Variants in CUBN observed in about 807,000 individuals in gnomAD.
CUBN encodes the protein cubilin.
A neutral mutation model predicts 405.3 loss-of-function variants in CUBN; 282 were observed. That is an observed-to-expected ratio of 0.70 (90% CI 0.63 to 0.77). The LOEUF (loss-of-function observed/expected upper bound fraction) is 0.77, where lower values mean the gene tolerates loss of function less well. CUBN is among the 30% of genes least tolerant of loss of function. The pLI is 0.00. For synonymous variants in CUBN, 1,684 were observed against 1,617.0 expected, an observed-to-expected ratio of 1.04 and a Z score of -0.99; for missense variants, 4,514 against 4,475.2, an observed-to-expected ratio of 1.01 and a Z score of -0.25.
chr10:16,981,473 C>A (rs953974523), intron 31 of CUBN, among the ~76,000 whole-genome samples: 1 of 152,124 alleles, frequency 6.6e-6, no homozygotes, highest in Admixed American at 6.5e-5. Context: ...AAGGCTGTCA[C>A]CCTGACCCTC....
At chr10:16,942,369 C>T (rs1842675111) in intron 36 of CUBN, among the ~76,000 whole-genome samples, 2 of 152,054 alleles carry the variant, frequency 1.3e-5, no homozygotes, top group South Asian at 4.1e-4. Flanking sequence ...TATAAAATAA[C>T]TCCTGCAACT....
chr10:16,873,099 A>AGGGGAGGT (rs1199346524), intron 58 of CUBN, among the ~76,000 whole-genome samples: 2 of 152,004 alleles, frequency 1.3e-5, no homozygotes, highest in African/African-American at 2.4e-5. Context: ...AGACAAATAG[A>AGGGGAGGT]GGGGAGGTAG....
chr10:17,048,908 A>C (rs894008891), intron 22 of CUBN, among the ~76,000 whole-genome samples: 2 of 152,232 alleles, frequency 1.3e-5, no homozygotes, highest in African/African-American at 4.8e-5. Context: ...AGGTTCTACT[A>C]TCTGTGTGTA....
intron 48 of CUBN, among the ~76,000 whole-genome samples, chr10:16,910,599 G>C (rs751012538): frequency 1.1e-4 from 16 of 152,134 alleles, no homozygotes; most frequent in Non-Finnish European, 1.9e-4. Context: ...CATCCTTTCA[G>C]TAATTCATTC....
chr10:16,892,726 T>G (rs939630821), intron 54 of CUBN, among the ~76,000 whole-genome samples: 1 of 152,090 alleles, frequency 6.6e-6, no homozygotes, highest in African/African-American at 2.4e-5. Context: ...ACTCCTGGAC[T>G]CAACTGATCT....
chr10:16,856,552 A>G (rs1839874030), intron 59 of CUBN, among the ~76,000 whole-genome samples: 1 of 152,210 alleles, frequency 6.6e-6, no homozygotes, highest in Non-Finnish European at 1.5e-5. Flanking sequence ...TCAATCTGAT[A>G]AGGGAAAAAA....
At chr10:16,853,497 T>C (rs1451804140) in intron 59 of CUBN, among the ~76,000 whole-genome samples, 1 of 152,230 alleles carries the variant, frequency 6.6e-6, no homozygotes, top group African/African-American at 2.4e-5. Context: ...AATGGATAGA[T>C]AGCAAACGTG....
intron 51 of CUBN, among the ~76,000 whole-genome samples, chr10:16,902,259 GTA>G (rs535557386): frequency 2.2e-4 from 29 of 129,230 alleles, no homozygotes; most frequent in Admixed American, 7.6e-4. Context: ...TGTATATATA[GTA>G]TATATATATT....
Position 16,997,556 on chromosome 10 carries a change from G to A in CUBN, c.4169-7041C>T, listed in dbSNP as rs186672717. Among the ~76,000 whole-genome samples the A allele has an allele frequency of 1.9e-3, 287 of 152,286 alleles. 1 individual carries two copies. Among genetic ancestry groups the A allele is most frequent in the Non-Finnish European group, 3.2e-3 (220 of 68,022 alleles). ...GGTAACTAAGAGCTCAGAATCTGGG[G>A]AAGGCCCAACCCAAGGCAAAGTGAA... On this transcript the variant is annotated intron_variant, in intron 28 of 66. Coordinates refer to ENST00000377833, the MANE Select transcript of CUBN (RefSeq NM_001081.4).
rs1015394615 is a variant in CUBN, at chr10:16,937,514, C to T, written c.5926+78G>A. On this transcript the variant is annotated intron_variant, in intron 39 of 66. Coordinates refer to ENST00000377833, the MANE Select transcript of CUBN (RefSeq NM_001081.4). The stretch of plus-strand genomic sequence containing the variant: ...CTGTACTTATTTTTATATCTGACCC[C>T]TGTTATGATAGGATCCTTTGAAACA... The T allele has an allele frequency of 2.2e-5, 27 of 1,235,836 alleles. No homozygotes were observed. The African/African-American group carries it at 2.2e-4, about 10-fold the overall frequency. 76.6% of individuals were successfully genotyped at this position (1,235,836 alleles called of 1,614,324 possible).
chr10:17,118,027 A>T (rs1036064525), intron 6 of CUBN, among the ~76,000 whole-genome samples: 1 of 152,202 alleles, frequency 6.6e-6, no homozygotes, highest in African/African-American at 2.4e-5. Flanking sequence ...ATAAGATTTG[A>T]GAGGAGATTC....
In CUBN at chr10:16,851,248, T is replaced by G. The variant is rs1482195967; in HGVS notation, c.9650A>C (p.Tyr3217Ser). 6.2e-7 allele frequency: 1 copy of G among 1,613,354 alleles called. No homozygotes were observed. The highest frequency in any genetic ancestry group is 1.7e-5 in the Admixed American group (1 of 60,030). Residue 3217 changes from tyrosine (Y) to serine (S), a missense_variant, in exon 60 of 67, where the codon TAT (tyrosine) becomes TCT (serine). By Grantham distance (144) the Tyr-to-Ser change is moderately radical. Around this residue, in one of 5 missense-constraint regions of CUBN, gnomAD observed 1,186 missense variants for 1,186.9 expected, o/e 1.00. Transcript: ENST00000377833. The part of the protein sequence containing the change: ...EAASTRQRCL[Y>S]DYVKLYDGDS... ...AAACAGCCTTACCTTTACATAATCA[T>G]AAAGGCATCTTTGCCTAGTACTTGC...
At chr10:16,911,446 T>C (rs1241615117) in intron 48 of CUBN, among the ~76,000 whole-genome samples, 8 of 152,230 alleles carry the variant, frequency 5.3e-5, no homozygotes, top group Admixed American at 4.6e-4. Flanking sequence ...TGTGGATAGA[T>C]AATGTCCAAA....
intron 48 of CUBN, among the ~76,000 whole-genome samples, chr10:16,911,413 A>G (rs1841730063): frequency 1.3e-5 from 2 of 152,216 alleles, no homozygotes; most frequent in Non-Finnish European, 2.9e-5. Flanking sequence ...GCAAAGGGGT[A>G]AGTCTCATCT....
At chr10:16,875,598 C>T (rs1840474532) in intron 57 of CUBN, among the ~76,000 whole-genome samples, 2 of 152,308 alleles carry the variant, frequency 1.3e-5, no homozygotes, top group African/African-American at 4.8e-5. Context: ...CCAGGTCCAT[C>T]TGTAAAAGTG....
intron 54 of CUBN, among the ~76,000 whole-genome samples, chr10:16,898,225 G>A (rs946330228): frequency 2.6e-5 from 4 of 152,014 alleles, no homozygotes; most frequent in Non-Finnish European, 5.9e-5. Flanking sequence ...TAAATTCCAA[G>A]TACTTAGCAC....
intron 6 of CUBN, among the ~76,000 whole-genome samples, chr10:17,117,283 T>C (rs369870491): frequency 3.9e-5 from 6 of 152,354 alleles, no homozygotes; most frequent in Admixed American, 1.3e-4. Flanking sequence ...ATACACATAT[T>C]TGAGCATTTG....
chr10:16,834,843 G>A (rs746700121), intron 64 of CUBN, among the ~76,000 whole-genome samples, 171 bp downstream of exon 64: 7 of 152,134 alleles, frequency 4.6e-5, no homozygotes, highest in Non-Finnish European at 8.8e-5. Context: ...CCAATTTCCG[G>A]TGTTTGGACT....
rs1307951702 is a variant in CUBN, at chr10:16,900,681, G to T, written c.8354C>A (p.Ser2785Ter). 7 of 1,614,194 alleles carry T rather than the reference G, an allele frequency of 4.3e-6. No individual in the cohort carries two copies. Among genetic ancestry groups the T allele is most frequent in the Non-Finnish European group, 4.2e-6 (5 of 1,180,012 alleles). The change falls in exon 53 of 67, where the codon TCA becomes TAA. Residue 2785 changes from serine (S) to a stop codon, truncating the protein, a stop_gained. Transcript: ENST00000377833. LOFTEE classifies it high-confidence loss of function. ...GSNQLVVTFN[S>*]DHSLQGGGFY... ...TCCACCACCTTGCAATGAATGGTCT[G>T]AGTTAAAAGTCACGACCAGCTGATT...
Sources: allele counts gnomAD v4.1 joint callset (sites outside exome capture counted in the v4.1 genomes callset), GRCh38; gene constraint gnomAD v4.1.1; regional missense constraint gnomAD v4.1.1; transcripts MANE v1.5; gene names NCBI Gene and HGNC (gene_info 2026-07-23, HGNC 2026-07-21).